SCAND3: variants seen among roughly 807,000 people sequenced by gnomAD.
SCAND3 encodes the protein SCAN domain-containing protein 3.
At chr6:28,591,013 T>C in the SCAND3 span, 1 of 152,204 alleles carries the variant, frequency 6.6e-6, no homozygotes, top group African/African-American at 2.4e-5. Flanking sequence ...CCTAACAGCC[T>C]CTTCTGCCTG....
chr6:28,612,626 CA>C, the SCAND3 span, among the ~76,000 whole-genome samples: 20 of 152,274 alleles, frequency 1.3e-4, no homozygotes, highest in Non-Finnish European at 2.5e-4. Flanking sequence ...GATCAGTTTT[CA>C]AAAGACAATA....
chr6:28,574,633 T>C, the SCAND3 span: 1 of 1,604,086 alleles, frequency 6.2e-7, no homozygotes, highest in East Asian at 2.2e-5. Flanking sequence ...ACGGCAGATA[T>C]TCAATCTTAC....
chr6:28,581,182 C>CA, the SCAND3 span, among the ~76,000 whole-genome samples: 1 of 151,830 alleles, frequency 6.6e-6, no homozygotes, highest in Non-Finnish European at 1.5e-5. Context: ...GCCCAAAATA[C>CA]AAAAAATTAG....
chr6:28,572,008 C>T, the SCAND3 span: 1 of 1,613,858 alleles, frequency 6.2e-7, no homozygotes. The surrounding 1 kb of genome is among the most constrained non-coding windows in gnomAD (Gnocchi z 4.1). Context: ...TATATTTAAA[C>T]TGTTTCTATG....
the SCAND3 span, among the ~76,000 whole-genome samples, chr6:28,595,722 C>CAA: frequency 4.8e-4 from 67 of 138,796 alleles, no homozygotes; most frequent in South Asian, 2.1e-3. Context: ...AACTCCGTCT[C>CAA]AAAAAAAAAA....
the SCAND3 span, chr6:28,589,480 C>G: frequency 6.6e-6 from 1 of 152,154 alleles, no homozygotes; most frequent in Non-Finnish European, 1.5e-5. Flanking sequence ...CAGTTCCTGG[C>G]TTGGCCTCTG....
chr6:28,593,984 T>C, the SCAND3 span, among the ~76,000 whole-genome samples: 1 of 152,182 alleles, frequency 6.6e-6, no homozygotes, highest in Non-Finnish European at 1.5e-5. Flanking sequence ...CCTCCCAAGG[T>C]GCTGGGATTA....
the SCAND3 span, chr6:28,598,143 G>C: frequency 2.0e-5 from 3 of 152,222 alleles, no homozygotes; most frequent in African/African-American, 4.8e-5. Context: ...GCAGGAGCCA[G>C]CTAGCTTGGG....
chr6:28,586,008 A>C, the SCAND3 span, among the ~76,000 whole-genome samples: 320 of 152,308 alleles, frequency 2.1e-3, 1 homozygote, highest in African/African-American at 3.2e-3. This position sits in a 1 kb window ranked among gnomAD's most constrained non-coding sequence, Gnocchi z 4.4. Flanking sequence ...TTTTAAAAAA[A>C]ATTTACTATT....
chr6:28,586,380 C>G, the SCAND3 span: 1 of 1,613,986 alleles, frequency 6.2e-7, no homozygotes, highest in African/African-American at 1.3e-5. The surrounding 1 kb of genome is among the most constrained non-coding windows in gnomAD (Gnocchi z 4.4). Context: ...ATTATGCTCC[C>G]GCACCCAAGA....
At chr6:28,610,453 G>A in the SCAND3 span, among the ~76,000 whole-genome samples, 1 of 152,114 alleles carries the variant, frequency 6.6e-6, no homozygotes, top group Non-Finnish European at 1.5e-5. Context: ...AACCTGGGAG[G>A]TGGAGGTTGC....
chr6:28,610,837 T>C, the SCAND3 span, among the ~76,000 whole-genome samples: 7 of 152,306 alleles, frequency 4.6e-5, no homozygotes, highest in East Asian at 1.2e-3. Context: ...TCTTGCTTTT[T>C]TTGGGACAAA....
chr6:28,599,469 G>A, the SCAND3 span, among the ~76,000 whole-genome samples: 96 of 152,284 alleles, frequency 6.3e-4, 1 homozygote, highest in South Asian at 6.8e-3. Flanking sequence ...CTCAAATCTC[G>A]TCTTGAATTT....
At chr6:28,577,159 C>A in the SCAND3 span, among the ~76,000 whole-genome samples, 2 of 152,084 alleles carry the variant, frequency 1.3e-5, no homozygotes, top group East Asian at 3.9e-4. Context: ...AAATTTCTGA[C>A]TTAATAAAGC....
the SCAND3 span, chr6:28,573,978 A>G: frequency 9.2e-7 from 1 of 1,081,794 alleles, no homozygotes; most frequent in Non-Finnish European, 1.2e-6. Context: ...ATATTTTCTC[A>G]GAGTTTTATA....
At chr6:28,580,344 C>T in the SCAND3 span, among the ~76,000 whole-genome samples, 1 of 151,906 alleles carries the variant, frequency 6.6e-6, no homozygotes, top group Non-Finnish European at 1.5e-5. Context: ...GTCCCAGCTA[C>T]TCAGGAGGCT....
At chr6:28,602,454 C>T in the SCAND3 span, among the ~76,000 whole-genome samples, 2 of 152,286 alleles carry the variant, frequency 1.3e-5, no homozygotes, top group African/African-American at 2.4e-5. Flanking sequence ...GTGATTTGCC[C>T]GCCTCAGCCT....
chr6:28,613,962 C>G, the SCAND3 span, among the ~76,000 whole-genome samples: 1 of 151,088 alleles, frequency 6.6e-6, no homozygotes, highest in African/African-American at 2.4e-5. Flanking sequence ...ACTTTCTTTT[C>G]TTTTCTTTTT....
the SCAND3 span, among the ~76,000 whole-genome samples, chr6:28,612,586 A>G: frequency 6.6e-6 from 1 of 152,182 alleles, no homozygotes; most frequent in African/African-American, 2.4e-5. Context: ...GCACAAATAT[A>G]ATAATGTGTA....
Sources: gnomAD v4.1 joint callset for allele counts (sites outside exome capture counted in the v4.1 genomes callset) on GRCh38, gnomAD v4.1.1 for gene constraint, Gnocchi (gnomAD v3.1) non-coding constraint, MANE v1.5 for transcripts, NCBI Gene and HGNC (gene_info 2026-07-23, HGNC 2026-07-21) for gene names.